FOXRED2: variants seen among roughly 807,000 people sequenced by gnomAD.
FOXRED2 encodes FAD dependent oxidoreductase domain containing 2.
In FOXRED2, 32 loss-of-function variants were observed where a neutral mutation model predicts 52.5. That is an observed-to-expected ratio of 0.61 (90% confidence interval 0.46 to 0.82). The LOEUF (loss-of-function observed/expected upper bound fraction) is 0.82. Ranked by LOEUF, FOXRED2 falls within the 40% of genes least tolerant of loss-of-function variation. The pLI is 0.00. For synonymous variants in FOXRED2, 405 were observed against 398.1 expected (o/e 1.02, Z -0.21); for missense variants, 848 against 937.5 (o/e 0.90, Z 1.25).
At chr22:36,495,394 G>T (rs1933869903) in intron 7 of FOXRED2, among the ~76,000 whole-genome samples, 1 of 152,144 alleles carries the variant, frequency 6.6e-6, no homozygotes, top group African/African-American at 2.4e-5. Flanking sequence ...TGAAGCAGGG[G>T]GTGCGTTCCC....
chr22:36,504,450 T>C, intron 3 of FOXRED2, 65 bp downstream of exon 3: 1 of 1,605,772 alleles, frequency 6.2e-7, no homozygotes, highest in Non-Finnish European at 8.5e-7. Context: ...CAGGGGAGGG[T>C]TGGGGAGGCT....
chr22:36,502,215 T>A (rs1311039925), intron 4 of FOXRED2, among the ~76,000 whole-genome samples: 1 of 151,874 alleles, frequency 6.6e-6, no homozygotes, highest in Non-Finnish European at 1.5e-5. Context: ...CCAGGCACAG[T>A]GGCTCACGCC....
chr22:36,500,414 C>A (rs1934012562), intron 5 of FOXRED2, among the ~76,000 whole-genome samples: 1 of 152,140 alleles, frequency 6.6e-6, no homozygotes, highest in African/African-American at 2.4e-5. Flanking sequence ...CCATTTACTC[C>A]TAAAATCACA....
chr22:36,504,906 CATTT>C (rs1934154606), intron 2 of FOXRED2, 140 bp from the exon 3 acceptor site: 2 of 871,868 alleles, frequency 2.3e-6, no homozygotes, highest in East Asian at 5.3e-5. Context: ...TTCATTCATT[CATTT>C]TTCATTCATT....
chr22:36,504,319 G>A lies in FOXRED2; in HGVS notation c.828C>T (p.Asp276=), dbSNP rs771140683. 6.8e-6 allele frequency: 11 copies of A among 1,614,038 alleles called. No homozygotes were observed. The African/African-American group carries it at 1.2e-4, about 18-fold the overall frequency. ...LLDTYQLKSL[D]GLLESDLTDL... Reference sequence around the variant, plus strand: ...CCGTCAGGTCAGACTCGAGCAGCCCGTCCAGGGACTTGAGCTGGTAGGTAT... The same window carrying A: ...CCGTCAGGTCAGACTCGAGCAGCCCATCCAGGGACTTGAGCTGGTAGGTAT... Residue 276 remains aspartate, a synonymous_variant, in exon 4 of 9, where the codon GAC becomes GAT. Coordinates refer to ENST00000397224, the MANE Select transcript of FOXRED2 (RefSeq NM_001102371.2).
At chr22:36,500,742 C>T (rs534115393) in intron 5 of FOXRED2, among the ~76,000 whole-genome samples, 1 of 151,890 alleles carries the variant, frequency 6.6e-6, no homozygotes, top group African/African-American at 2.4e-5. Context: ...CGCCACCACA[C>T]CTGGCTAATT....
intron 3 of FOXRED2, 70 bp downstream of exon 3, chr22:36,504,445 G>C (rs1934138258): frequency 1.2e-6 from 2 of 1,607,844 alleles, no homozygotes; most frequent in Non-Finnish European, 1.7e-6. Flanking sequence ...AAGGGCAGGG[G>C]AGGGTTGGGG....
chr22:36,496,117 G>A lies in FOXRED2; in HGVS notation c.1474C>T (p.Leu492Phe). 6.2e-7 allele frequency: 1 copy of A among 1,614,208 alleles called. No individual in the cohort carries two copies. Among genetic ancestry groups the A allele is most frequent in the Non-Finnish European group, 8.5e-7 (1 of 1,180,046 alleles). The change falls in exon 7 of 9, where the codon CTC (leucine) becomes TTC (phenylalanine). Residue 492 changes from leucine (L) to phenylalanine (F), a missense_variant. Coordinates refer to ENST00000397224, the MANE Select transcript of FOXRED2 (RefSeq NM_001102371.2). ...TLTGRKAKHG[L>F]FVINMEYGRN... is the part of the protein sequence containing the mutation. ...CCATATTCCATGTTGATGACGAAGAGCCCGTGCTTTGCCTTCCTCCCTGTG... is the reference window on the plus strand; with the variant it reads ...CCATATTCCATGTTGATGACGAAGAACCCGTGCTTTGCCTTCCTCCCTGTG...
chr22:36,502,267 T>C (rs1934076581), intron 4 of FOXRED2, among the ~76,000 whole-genome samples: 1 of 152,210 alleles, frequency 6.6e-6, no homozygotes, highest in South Asian at 2.1e-4. Context: ...AAGGAGGGTC[T>C]GGACAGGCAC....
chr22:36,490,568 A>C (rs1337943834), intron 8 of FOXRED2, among the ~76,000 whole-genome samples: 1 of 152,252 alleles, frequency 6.6e-6, no homozygotes, highest in Non-Finnish European at 1.5e-5. Context: ...AGGGCTGAGC[A>C]CCGGGCTCTG....
At chr22:36,505,614 T>C (rs968998540) in intron 2 of FOXRED2, among the ~76,000 whole-genome samples, 3 of 151,776 alleles carry the variant, frequency 2.0e-5, no homozygotes, top group African/African-American at 7.3e-5. Flanking sequence ...ACCAAAAATA[T>C]AAAAAAATTA....
chr22:36,505,094 C>A (rs1304291837), intron 2 of FOXRED2, among the ~76,000 whole-genome samples: 2 of 152,170 alleles, frequency 1.3e-5, no homozygotes, highest in Non-Finnish European at 2.9e-5. Flanking sequence ...AGCAGTCAGA[C>A]CAGGTATGAC....
In FOXRED2 at chr22:36,490,152, C is replaced by A. The variant is rs35748020; in HGVS notation, c.1911G>T (p.Glu637Asp). ...GGGCATAGTCCCGCAGGAGCCTGCT[C>A]TCCACTCTGTGCTGCCAAAGGCTCT... is the stretch of plus-strand genomic sequence containing the variant. ...STESLWQHRVESRLLRDYAPT... is the reference protein window; with the variant it reads ...STESLWQHRVDSRLLRDYAPT... Residue 637 changes from glutamate (E) to aspartate (D), a missense_variant, in exon 9 of 9, where the codon GAG (glutamate) becomes GAT (aspartate). Physicochemically the swap from Glu to Asp is conservative, Grantham distance 45 (BLOSUM62 2). Transcript: ENST00000397224. The A allele has an allele frequency of 1.9e-6, 3 of 1,614,050 alleles. No individual in the cohort carries two copies. The highest frequency in any genetic ancestry group is 2.7e-5 in the African/African-American group (2 of 74,952).
intron 8 of FOXRED2, among the ~76,000 whole-genome samples, chr22:36,492,393 G>T (rs553129510): frequency 2.0e-5 from 3 of 152,230 alleles, no homozygotes; most frequent in Admixed American, 6.5e-5. Flanking sequence ...GCACACAGTG[G>T]CCTGTACAGT....
At chr22:36,496,248 G>T in intron 6 of FOXRED2, 40 bp from the exon 7 acceptor site, 2 of 1,610,690 alleles carry the variant, frequency 1.2e-6, no homozygotes, top group Non-Finnish European at 1.7e-6. Context: ...TCAGTGCTGT[G>T]GCAGAGGTGA....
intron 5 of FOXRED2, among the ~76,000 whole-genome samples, chr22:36,499,896 G>C: frequency 6.6e-6 from 1 of 152,158 alleles, no homozygotes; most frequent in South Asian, 2.1e-4. Flanking sequence ...CCACCTCCAA[G>C]GTTCAAGTGA....
chr22:36,500,404 C>T (rs977264758), intron 5 of FOXRED2, among the ~76,000 whole-genome samples: 1 of 152,054 alleles, frequency 6.6e-6, no homozygotes, highest in African/African-American at 2.4e-5. Flanking sequence ...TTTTTATTTC[C>T]CATTTACTCC....
In FOXRED2 at chr22:36,493,606, C is replaced by T. The variant is rs771192890; in HGVS notation, c.1795+27G>A. 3 of 1,606,788 alleles carry T rather than the reference C, an allele frequency of 1.9e-6. No homozygotes were observed. The African/African-American group carries it at 4.0e-5, about 21-fold the overall frequency. ...CTTTCTTCAACCTGGAGCTCAGACC[C>T]TTTGTCTTTCTGGGAGCTTAAGTTA... On this transcript the variant is annotated intron_variant, in intron 8 of 8. Coordinates refer to ENST00000397224, the MANE Select transcript of FOXRED2 (RefSeq NM_001102371.2).
In FOXRED2 at chr22:36,490,107, C is replaced by T; in HGVS notation, c.1956G>A (p.Glu652=). 1.2e-6 allele frequency: 2 copies of T among 1,613,922 alleles called. No individual in the cohort carries two copies. The highest frequency in any genetic ancestry group is 1.1e-5 in the South Asian group (1 of 91,066). The change falls in exon 9 of 9, where the codon GAG becomes GAA. Residue 652 remains glutamate, a synonymous_variant. Coordinates refer to ENST00000397224, the MANE Select transcript of FOXRED2 (RefSeq NM_001102371.2). The part of the protein sequence containing the change: ...RDYAPTGRRL[E]DSSQQLGDQE... The stretch of plus-strand genomic sequence containing the variant: ...GGTCGCCAAGCTGCTGGCTGCTGTC[C>T]TCCAGGCGCCTGCCTGTGGGGGCAT...
Sources: allele counts gnomAD v4.1 joint callset (sites outside exome capture counted in the v4.1 genomes callset), GRCh38; gene constraint gnomAD v4.1.1; transcripts MANE v1.5; gene names NCBI Gene and HGNC (gene_info 2026-07-23, HGNC 2026-07-21).